SGMS1: variants seen among roughly 807,000 people sequenced by gnomAD.
SGMS1 encodes the protein phosphatidylcholine:ceramide cholinephosphotransferase 1.
A neutral mutation model predicts 46.2 loss-of-function variants in SGMS1; 13 were observed. That is an observed-to-expected ratio of 0.28 (90% CI 0.18 to 0.45). SGMS1 has a LOEUF of 0.45. Ranked by LOEUF, SGMS1 falls within the 20% of genes least tolerant of loss-of-function variation. The probability of loss-of-function intolerance (pLI) is 1.00; values close to 1 mark genes in which losing one functional copy is unlikely to be tolerated. For missense variants in SGMS1, 324 were observed against 519.9 expected (o/e 0.62, Z 3.66); for synonymous variants, 203 against 187.8 (o/e 1.08, Z -0.66).
At chr10:50,575,013 A>G (rs1231545116) in intron 2 of SGMS1, among the ~76,000 whole-genome samples, 1 of 145,586 alleles carries the variant, frequency 6.9e-6, no homozygotes, top group Non-Finnish European at 1.5e-5. Context: ...GCCTTAAAAA[A>G]GAGGAAAATT....
At chr10:50,471,603 T>C (rs1054306319) in intron 3 of SGMS1, among the ~76,000 whole-genome samples, 56 of 152,256 alleles carry the variant, frequency 3.7e-4, no homozygotes, top group Admixed American at 3.4e-3. Flanking sequence ...AAAGACTTTA[T>C]TCAAATTAAA....
At chr10:50,496,963 GT>G (rs1837620479) in intron 3 of SGMS1, among the ~76,000 whole-genome samples, 1 of 152,144 alleles carries the variant, frequency 6.6e-6, no homozygotes, top group African/African-American at 2.4e-5. Flanking sequence ...GCAGCCTCCT[GT>G]TTGGTCTCCC....
rs572826030 is a variant in SGMS1 at position 50,617,432 on chromosome 10, G to A, written c.-684+6275C>T. 2.5e-3 allele frequency among the ~76,000 whole-genome samples: 374 copies of A among 152,266 alleles called. 1 individual carries two copies. The highest frequency in any genetic ancestry group is 8.1e-3 in the African/African-American group (338 of 41,540). ...AGTCTGGGGACAAAGGGATTACAAA[G>A]GGGCCCAAGGGCAATTTTGGGGTGA... On this transcript the variant is annotated intron_variant, in intron 1 of 10. Transcript: ENST00000361781.
At chr10:50,624,778 T>G, upstream of SGMS1, 1 of 986,260 alleles carries the variant, frequency 1.0e-6, no homozygotes, top group Non-Finnish European at 1.2e-6. Flanking sequence ...CGGGGAGAGC[T>G]GGCCTTCCCG....
chr10:50,611,924 A>AG (rs1263600087), intron 1 of SGMS1, among the ~76,000 whole-genome samples: 1 of 152,076 alleles, frequency 6.6e-6, no homozygotes, highest in Non-Finnish European at 1.5e-5. Context: ...TGTGTCTGTT[A>AG]GGGGGAAAGA....
intron 1 of SGMS1, among the ~76,000 whole-genome samples, chr10:50,595,932 C>A (rs1838587940): frequency 6.6e-6 from 1 of 152,124 alleles, no homozygotes; most frequent in African/African-American, 2.4e-5. Context: ...TTTTCCTCTG[C>A]AAAATGTGGA....
chr10:50,554,290 C>T (rs1277724883), intron 2 of SGMS1, among the ~76,000 whole-genome samples: 4 of 152,150 alleles, frequency 2.6e-5, no homozygotes, highest in Non-Finnish European at 5.9e-5. Flanking sequence ...CACAAAAACC[C>T]GTTCCGGTCT....
chr10:50,505,874 C>T (rs1837702846), intron 3 of SGMS1, among the ~76,000 whole-genome samples: 1 of 152,154 alleles, frequency 6.6e-6, no homozygotes, highest in Non-Finnish European at 1.5e-5. Flanking sequence ...AGAGCATCCT[C>T]TAAAGAGAAA....
chr10:50,589,266 G>A (rs924657315), intron 2 of SGMS1, among the ~76,000 whole-genome samples: 4 of 151,862 alleles, frequency 2.6e-5, no homozygotes, highest in South Asian at 2.1e-4. Context: ...CTCTCTCTCC[G>A]TGTGTGTGAG....
chr10:50,589,328 C>T (rs769095406), intron 2 of SGMS1, among the ~76,000 whole-genome samples: 2 of 152,126 alleles, frequency 1.3e-5, no homozygotes, highest in African/African-American at 2.4e-5. Context: ...GTGGCATAAT[C>T]ATAGCTTACT....
At chr10:50,518,313 A>G (rs1015789563) in intron 3 of SGMS1, among the ~76,000 whole-genome samples, 2 of 152,262 alleles carry the variant, frequency 1.3e-5, no homozygotes, top group African/African-American at 4.8e-5. Flanking sequence ...AATACAAGTT[A>G]TAATTTCCAA....
At chr10:50,509,832 T>A (rs879530379) in intron 3 of SGMS1, among the ~76,000 whole-genome samples, 3 of 152,212 alleles carry the variant, frequency 2.0e-5, no homozygotes, top group Admixed American at 2.0e-4. Flanking sequence ...GATCCTTTGA[T>A]GGTATTTAAG....
At chr10:50,353,929 T>G (rs1210064405) in intron 6 of SGMS1, among the ~76,000 whole-genome samples, 2 of 151,998 alleles carry the variant, frequency 1.3e-5, no homozygotes, top group Non-Finnish European at 2.9e-5. Context: ...CACTGCTCAA[T>G]GAAATAAAAG....
intron 1 of SGMS1, among the ~76,000 whole-genome samples, chr10:50,620,180 C>A (rs1287369821): frequency 6.6e-6 from 1 of 152,258 alleles, no homozygotes; most frequent in Non-Finnish European, 1.5e-5. Context: ...TCCCTGACAT[C>A]CAATGCTGCC....
At chr10:50,385,065 GT>G (rs1051543412) in intron 6 of SGMS1, among the ~76,000 whole-genome samples, 2 of 151,312 alleles carry the variant, frequency 1.3e-5, no homozygotes, top group African/African-American at 4.9e-5. Context: ...AAGGGTGCTA[GT>G]TTTTTTTTAC....
intron 1 of SGMS1, among the ~76,000 whole-genome samples, chr10:50,597,326 A>G (rs1011145179): frequency 6.6e-6 from 1 of 152,256 alleles, no homozygotes; most frequent in African/African-American, 2.4e-5. Context: ...TGAAAATATT[A>G]AATGCCAGCA....
chr10:50,508,345 G>A (rs1837724960), intron 3 of SGMS1, among the ~76,000 whole-genome samples: 1 of 152,156 alleles, frequency 6.6e-6, no homozygotes, highest in Non-Finnish European at 1.5e-5. Flanking sequence ...GGGCTGTAGT[G>A]GAAAACCAGC....
At chr10:50,357,868 T>G (rs776723296) in intron 6 of SGMS1, among the ~76,000 whole-genome samples, 1 of 152,224 alleles carries the variant, frequency 6.6e-6, no homozygotes, top group South Asian at 2.1e-4. Flanking sequence ...ACTGAGAAAC[T>G]ACAGGATTCT....
At chr10:50,588,004 C>G (rs1034740733) in intron 2 of SGMS1, among the ~76,000 whole-genome samples, 2 of 152,126 alleles carry the variant, frequency 1.3e-5, no homozygotes, top group Non-Finnish European at 2.9e-5. Context: ...TAGGACTAGA[C>G]AGGACCCCAT....
Sources: gnomAD v4.1 joint callset for allele counts (sites outside exome capture counted in the v4.1 genomes callset) on GRCh38, gnomAD v4.1.1 for gene constraint, MANE v1.5 for transcripts, NCBI Gene and HGNC (gene_info 2026-07-23, HGNC 2026-07-21) for gene names.